The following CYP4V2 variants were observed in gnomAD, a reference collection of about 807,000 sequenced individuals.
CYP4V2 encodes cytochrome P450 family 4 subfamily V member 2, also known as cytochrome P450 4V2.
In CYP4V2, 55 loss-of-function variants were observed where a neutral mutation model predicts 60.8. That is an observed-to-expected ratio of 0.90 (90% CI 0.73 to 1.13). CYP4V2 has a LOEUF of 1.13. Among genes scored for constraint, CYP4V2 ranks in the 50% most tolerant of loss-of-function variants. The pLI is 0.00. For missense variants in CYP4V2, 675 were observed against 662.9 expected, an observed-to-expected ratio of 1.02 and a Z score of -0.20; for synonymous variants, 239 against 236.8, an observed-to-expected ratio of 1.01 and a Z score of -0.08.
Position 186,201,256 on chromosome 4 carries a change from G to C in CYP4V2, c.901G>C (p.Asp301His), listed in dbSNP as rs1203727501. ...CAAAAATAAACGCAGGGCCTTTCTT[G>C]ACTTGCTTTTAAGTGTGACTGATGA... Reference protein sequence around the residue: ...PSKNKRRAFLDLLLSVTDDEG... With the variant: ...PSKNKRRAFLHLLLSVTDDEG... The change falls in exon 7 of 11, where the codon GAC becomes CAC. Residue 301 changes from aspartate to histidine, a missense_variant. Asp to His is a moderately conservative substitution (Grantham distance 81). Transcript: ENST00000378802. 2 of 1,614,030 alleles carry C rather than the reference G, an allele frequency of 1.2e-6. No individual in the cohort carries two copies. Among genetic ancestry groups the C allele is most frequent in the African/African-American group, 1.3e-5 (1 of 74,922 alleles).
rs140450256 is a variant in CYP4V2, at chr4:186,210,636, C to T, written c.1573C>T (p.Arg525Cys). Residue 525 changes from arginine to cysteine, a missense_variant, in exon 11 of 11, where the codon CGC becomes TGC. Transcript: ENST00000378802. ...IKLKRRNADER is the reference protein window; with the variant it reads ...IKLKRRNADEC ...GTTGAAGAGGAGAAATGCAGATGAACGCTAACTATATTATTGGGTTGTGCC... is the reference window on the plus strand; with the variant it reads ...GTTGAAGAGGAGAAATGCAGATGAATGCTAACTATATTATTGGGTTGTGCC... The T allele has an allele frequency of 1.9e-5, 30 of 1,613,970 alleles. No individual in the cohort carries two copies. The highest frequency in any genetic ancestry group is 1.2e-4 in the African/African-American group (9 of 74,974).
At chr4:186,200,270 G>C (rs1561433444) in intron 6 of CYP4V2, among the ~76,000 whole-genome samples, 1 of 152,038 alleles carries the variant, frequency 6.6e-6, no homozygotes, top group Non-Finnish European at 1.5e-5. Flanking sequence ...CTTAGTAGCA[G>C]GTTTGGTCAA....
chr4:186,208,734 C>G, intron 8 of CYP4V2, 131 bp from the exon 9 acceptor site: 1 of 1,282,778 alleles, frequency 7.8e-7, no homozygotes, highest in Non-Finnish European at 1.1e-6. Flanking sequence ...CCTTGATCCA[C>G]GTGTTCTTCT....
intron 7 of CYP4V2, 160 bp from the exon 8 acceptor site, chr4:186,205,040 T>C: frequency 1.4e-6 from 1 of 736,046 alleles, no homozygotes; most frequent in Non-Finnish European, 2.4e-6. Flanking sequence ...CTTGTTTCCT[T>C]GTTTGTCACC....
rs756551554 is a variant in CYP4V2 at position 186,210,674 on chromosome 4, A to C, written c.*33A>C. On this transcript the variant is annotated 3_prime_UTR_variant, in exon 11 of 11. Coordinates refer to ENST00000378802, the MANE Select transcript of CYP4V2 (RefSeq NM_207352.4). ...ATTGGGTTGTGCCTTTATCATGAGA[A>C]AGGTCTTTATTTTAAGAGATCCTTG... 1 of 1,613,454 alleles carries C rather than the reference A, an allele frequency of 6.2e-7. No homozygotes were observed. Among genetic ancestry groups the C allele is most frequent in the Non-Finnish European group, 8.5e-7 (1 of 1,179,674 alleles).
chr4:186,192,367 A>T (rs1736016940), intron 1 of CYP4V2: 1 of 548,396 alleles, frequency 1.8e-6, no homozygotes, highest in Non-Finnish European at 3.5e-6. Context: ...TTAGGAACAG[A>T]AGCTCCCTGG....
chr4:186,197,271 C>A, intron 4 of CYP4V2, 141 bp downstream of exon 4: 1 of 1,074,628 alleles, frequency 9.3e-7, no homozygotes, highest in Non-Finnish European at 1.4e-6. Context: ...ACCGCACTGG[C>A]CTTCTGAGGA....
Position 186,196,091 on chromosome 4 carries a change from A to G in CYP4V2, c.413+3A>G. On this transcript the variant is annotated splice_donor_region_variant and intron_variant, in intron 3 of 10. Transcript: ENST00000378802. ...CTTGGCCTAGGACTTCTTACAAGGT[A>G]TGCCAGTGTACCTTTGTAAAGCTGT... 5 of 1,610,070 alleles carry G rather than the reference A, an allele frequency of 3.1e-6. No individual in the cohort carries two copies. Among genetic ancestry groups the G allele is most frequent in the Non-Finnish European group, 4.3e-6 (5 of 1,176,272 alleles).
chr4:186,206,233 G>T (rs1736498673), intron 8 of CYP4V2, among the ~76,000 whole-genome samples: 1 of 152,188 alleles, frequency 6.6e-6, no homozygotes, highest in Admixed American at 6.5e-5. Context: ...GTGTGCATGT[G>T]TGTGCTTGTG....
In CYP4V2 at chr4:186,191,897, C is replaced by G; in HGVS notation, c.74C>G (p.Ala25Gly). 6.3e-7 allele frequency: 1 copy of G among 1,591,546 alleles called. No homozygotes were observed. Among genetic ancestry groups the G allele is most frequent in the South Asian group, 1.1e-5 (1 of 88,478 alleles). The change falls in exon 1 of 11, where the codon GCC (alanine) becomes GGC (glycine). Residue 25 changes from alanine to glycine, a missense_variant. Ala to Gly is a moderately conservative substitution (Grantham distance 60). Coordinates refer to ENST00000378802, the MANE Select transcript of CYP4V2 (RefSeq NM_207352.4). ...GGCGCGGCGAGTGCCCTTTCCCTGGCCGGCGCCAGTCTGGTCCTGAGCCTG... is the reference window on the plus strand; with the variant it reads ...GGCGCGGCGAGTGCCCTTTCCCTGGGCGGCGCCAGTCTGGTCCTGAGCCTG... ...LWGAASALSL[A>G]GASLVLSLLQ...
Position 186,205,295 on chromosome 4 carries a change from C to T in CYP4V2, c.1083C>T (p.Asp361=), listed in dbSNP as rs10029149. The T allele has an allele frequency of 0.013, 21,460 of 1,613,986 alleles. 2,401 individuals carry two copies. The African/African-American group carries it at 0.25, about 19-fold the overall frequency. Residue 361 remains aspartate (D), a synonymous_variant, in exon 8 of 11, where the codon GAC becomes GAT. Transcript: ENST00000378802. ...VQKKVDHELD[D]VFGKSDRPAT... ...AAAAAGTGGATCATGAATTGGATGA[C>T]GTGTTTGGTATGTTTGGCCCCTTCA...
chr4:186,208,125 A>T (rs62348763), intron 8 of CYP4V2, among the ~76,000 whole-genome samples: 5 of 133,094 alleles, frequency 3.8e-5, no homozygotes, highest in East Asian at 2.2e-4. Context: ...TCTTCTTTGA[A>T]GGGTATTTGA....
intron 8 of CYP4V2, among the ~76,000 whole-genome samples, chr4:186,207,323 G>C (rs1175533606): frequency 1.3e-5 from 2 of 149,602 alleles, no homozygotes; most frequent in Non-Finnish European, 3.0e-5. Flanking sequence ...GCAGGAGAAT[G>C]ACATGAACCC....
At chr4:186,199,133 T>G (rs777920575) in intron 6 of CYP4V2, 50 bp downstream of exon 6, 1 of 1,584,034 alleles carries the variant, frequency 6.3e-7, no homozygotes, top group Non-Finnish European at 8.7e-7. Flanking sequence ...AACATAAAAT[T>G]TCCCTTTATA....
At chr4:186,207,920 T>C (rs1278048034) in intron 8 of CYP4V2, among the ~76,000 whole-genome samples, 3 of 152,252 alleles carry the variant, frequency 2.0e-5, no homozygotes, top group South Asian at 2.1e-4. Context: ...TTTATTTTAC[T>C]TGGCACATTG....
chr4:186,196,668 C>A, intron 3 of CYP4V2: 1 of 397,060 alleles, frequency 2.5e-6, no homozygotes, highest in South Asian at 3.8e-5. Flanking sequence ...GAGAAAAATT[C>A]TTAAATTTTT....
chr4:186,197,014 T>TA lies in CYP4V2; in HGVS notation c.489dup (p.Asp164ArgfsTer5). 1.2e-6 allele frequency: 2 copies of TA among 1,613,880 alleles called. No homozygotes were observed. Among genetic ancestry groups the TA allele is most frequent in the Non-Finnish European group, 1.7e-6 (2 of 1,180,024 alleles). ...CATTTTACCATTCTGGAAGATTTCT[T>TA]AGATATCATGAATGAACAAGCAAAT... On this transcript the variant is annotated frameshift_variant, in exon 4 of 11. Coordinates refer to ENST00000378802, the MANE Select transcript of CYP4V2 (RefSeq NM_207352.4). LOFTEE classifies it high-confidence loss of function.
chr4:186,197,806 G>A (rs553380737), intron 5 of CYP4V2, among the ~76,000 whole-genome samples: 1 of 152,248 alleles, frequency 6.6e-6, no homozygotes, highest in South Asian at 2.1e-4. Flanking sequence ...AATTTAAAAT[G>A]ATTATTCTCT....
At position 186,204,647 on chromosome 4, in the gene CYP4V2, C is replaced by G. The variant is rs960039017; in HGVS notation, c.988-553C>G. On this transcript the variant is annotated intron_variant, in intron 7 of 10. Coordinates refer to ENST00000378802, the MANE Select transcript of CYP4V2 (RefSeq NM_207352.4). The stretch of plus-strand genomic sequence containing the variant: ...TTTTTAATCTCTGAATTGTAAAGAA[C>G]AGTAATGAGTCTTTCATGGAGTTTT... 13 of 199,108 alleles carry G rather than the reference C, an allele frequency of 6.5e-5. No individual in the cohort carries two copies. In the Admixed American group the frequency reaches 6.9e-4, roughly 11 times the overall value. 12.3% of individuals were successfully genotyped at this position (199,108 alleles called of 1,614,324 possible). A position where few individuals can be genotyped will look rare whatever the true frequency, so the allele number is the denominator to read the frequency against.
Sources: gnomAD v4.1 joint callset for allele counts (sites outside exome capture counted in the v4.1 genomes callset) on GRCh38, gnomAD v4.1.1 for gene constraint, MANE v1.5 for transcripts, NCBI Gene and HGNC (gene_info 2026-07-23, HGNC 2026-07-21) for gene names.